Variants in DNAAF9 observed in about 807,000 individuals in gnomAD.
DNAAF9 encodes dynein axonemal assembly factor 9.
In DNAAF9, 90 loss-of-function variants were observed where a neutral mutation model predicts 167.0. The observed-to-expected ratio is 0.54, with a 90% CI of 0.45 to 0.64. The LOEUF (loss-of-function observed/expected upper bound fraction) is 0.64. Among genes scored for constraint, DNAAF9 ranks in the 30% least tolerant of loss-of-function variants. DNAAF9 has a pLI of 0.00. For synonymous variants in DNAAF9, 491 were observed against 508.8 expected (o/e 0.96, Z 0.47); for missense variants, 1,315 against 1,442.2 (o/e 0.91, Z 1.43).
At chr20:3,353,767 A>G (rs1241206010) in intron 7 of DNAAF9, among the ~76,000 whole-genome samples, 2 of 151,680 alleles carry the variant, frequency 1.3e-5, no homozygotes, top group African/African-American at 4.9e-5. Context: ...GTTTGGGTCT[A>G]TGACAGGAAG....
chr20:3,392,629 A>G (rs553042472), intron 1 of DNAAF9, among the ~76,000 whole-genome samples: 32 of 152,310 alleles, frequency 2.1e-4, no homozygotes, highest in Admixed American at 1.4e-3. Context: ...TTCCCATCTT[A>G]TATGTAAATA....
In DNAAF9 at chr20:3,281,712, A is replaced by T. The variant is rs1180646018; in HGVS notation, c.2541T>A (p.Asn847Lys). The T allele has an allele frequency of 2.4e-5, 38 of 1,612,966 alleles. No individual in the cohort carries two copies. The highest frequency in any genetic ancestry group is 3.2e-5 in the Non-Finnish European group (38 of 1,179,494). The change falls in exon 28 of 37, where the codon AAT (asparagine) becomes AAA (lysine). Residue 847 changes from asparagine (N) to lysine (K), a missense_variant. Physicochemically the swap from Asn to Lys is moderately conservative, Grantham distance 94. This residue lies in a region of DNAAF9 where 334 missense variants were observed against 429.7 expected (regional missense o/e 0.78). Coordinates refer to ENST00000252032, the MANE Select transcript of DNAAF9 (RefSeq NM_001009984.3). The part of the protein sequence containing the change: ...VQALQTHPDS[N>K]VKASFTIGAI... ...CACCAATGGTGAAGGAGGCCTTGACATTTGAGTCTGGGTGGGTCTGCAGGG... is the reference window on the plus strand; with the variant it reads ...CACCAATGGTGAAGGAGGCCTTGACTTTTGAGTCTGGGTGGGTCTGCAGGG...
At chr20:3,341,760 C>T (rs892543303) in intron 9 of DNAAF9, among the ~76,000 whole-genome samples, 1 of 152,294 alleles carries the variant, frequency 6.6e-6, no homozygotes, top group East Asian at 1.9e-4. Context: ...GGATTCTCTA[C>T]ATTGCAGTGA....
Position 3,346,110 on chromosome 20 carries a change from G to A in DNAAF9, c.790-2379C>T, listed in dbSNP as rs181209723. 1.2e-4 allele frequency among the ~76,000 whole-genome samples: 18 copies of A among 152,288 alleles called. No homozygotes were observed. The East Asian group carries it at 1.7e-3, about 15-fold the overall frequency. On this transcript the variant is annotated intron_variant, in intron 8 of 36. Transcript: ENST00000252032. The stretch of plus-strand genomic sequence containing the variant: ...CAGAAATGTAAATTAAAACAATACC[G>A]ATATACTATTTTTCATCTGTGAGAC...
In DNAAF9 at chr20:3,330,078, A is replaced by G. The variant is rs76977968; in HGVS notation, c.1100+568T>C. 1.4e-3 allele frequency among the ~76,000 whole-genome samples: 206 copies of G among 152,332 alleles called. 1 individual carries two copies. The East Asian group carries it at 0.028, about 21-fold the overall frequency. Reference sequence around the variant, plus strand: ...TTTAAAAATGCATTATATAGAAAACATATCAAGGAGAGTTACATCATAAAT... The same window carrying G: ...TTTAAAAATGCATTATATAGAAAACGTATCAAGGAGAGTTACATCATAAAT... On this transcript the variant is annotated intron_variant, in intron 12 of 36. Transcript: ENST00000252032.
chr20:3,256,611 G>C (rs2068285016), intron 33 of DNAAF9, among the ~76,000 whole-genome samples: 3 of 152,184 alleles, frequency 2.0e-5, no homozygotes, highest in African/African-American at 4.8e-5. Flanking sequence ...TGATCAGGTG[G>C]ACACTATTAT....
chr20:3,334,581 C>T (rs1443431276), intron 10 of DNAAF9, among the ~76,000 whole-genome samples: 1 of 152,168 alleles, frequency 6.6e-6, no homozygotes, highest in Non-Finnish European at 1.5e-5. Context: ...AGCGAAATTG[C>T]TGGATCTTAT....
intron 30 of DNAAF9, among the ~76,000 whole-genome samples, chr20:3,269,621 G>A (rs1379216237): frequency 6.6e-6 from 1 of 152,100 alleles, no homozygotes; most frequent in African/African-American, 2.4e-5. Context: ...GCCTCAAAAT[G>A]GTACACGATG....
intron 7 of DNAAF9, among the ~76,000 whole-genome samples, chr20:3,352,210 C>CA (rs1380570166): frequency 6.6e-6 from 1 of 152,196 alleles, no homozygotes; most frequent in Non-Finnish European, 1.5e-5. Flanking sequence ...TAGAAATGCG[C>CA]ATGTACTTGT....
chr20:3,401,932 C>G (rs550203043), intron 1 of DNAAF9, among the ~76,000 whole-genome samples: 3 of 152,146 alleles, frequency 2.0e-5, no homozygotes, highest in South Asian at 4.1e-4. Flanking sequence ...GTAGAAGGGA[C>G]GCCAGCACGG....
chr20:3,387,456 T>G (rs1334795174), intron 1 of DNAAF9, among the ~76,000 whole-genome samples: 1 of 152,156 alleles, frequency 6.6e-6, no homozygotes, highest in African/African-American at 2.4e-5. Context: ...AGAATGAAGT[T>G]GGACCTCACC....
intron 20 of DNAAF9, among the ~76,000 whole-genome samples, chr20:3,309,434 C>T (rs1375661519): frequency 6.6e-6 from 1 of 152,176 alleles, no homozygotes; most frequent in African/African-American, 2.4e-5. Context: ...CAGACTAAGT[C>T]ACCATATAGA....
chr20:3,362,024 C>G, intron 6 of DNAAF9: 1 of 1,492,892 alleles, frequency 6.7e-7, no homozygotes, highest in Non-Finnish European at 9.3e-7. Flanking sequence ...CTCTTGGGTC[C>G]ACCACTCCAT....
chr20:3,285,162 G>A (rs747614988), intron 27 of DNAAF9, among the ~76,000 whole-genome samples: 2 of 152,076 alleles, frequency 1.3e-5, no homozygotes, highest in Non-Finnish European at 1.5e-5. Flanking sequence ...TTGCCCCACC[G>A]CTTCACTAAA....
Position 3,322,707 on chromosome 20 carries a change from G to A in DNAAF9, c.1266-11C>T, listed in dbSNP as rs774470550. The A allele has an allele frequency of 6.2e-7, 1 of 1,609,108 alleles. No homozygotes were observed. The highest frequency in any genetic ancestry group is 8.5e-7 in the Non-Finnish European group (1 of 1,175,508). On this transcript the variant is annotated splice_polypyrimidine_tract_variant and intron_variant, in intron 14 of 36. Coordinates refer to ENST00000252032, the MANE Select transcript of DNAAF9 (RefSeq NM_001009984.3). Reference sequence around the variant, plus strand: ...AAAGTCATCTTGGAGCTGTAGACCAGAAACAAAACAAAAGAAAAATCAGTC... The same window carrying A: ...AAAGTCATCTTGGAGCTGTAGACCAAAAACAAAACAAAAGAAAAATCAGTC...
At chr20:3,254,290 G>C (rs921280351) in intron 35 of DNAAF9, among the ~76,000 whole-genome samples, 5 of 151,966 alleles carry the variant, frequency 3.3e-5, no homozygotes, top group Non-Finnish European at 5.9e-5. Context: ...TATTGATCAG[G>C]CTGGTCTTGA....
chr20:3,365,399 TTA>T (rs1324932756), intron 6 of DNAAF9, among the ~76,000 whole-genome samples: 1 of 151,776 alleles, frequency 6.6e-6, no homozygotes, highest in Non-Finnish European at 1.5e-5. Context: ...ATTTATTTAT[TTA>T]TTTATTTTTA....
chr20:3,347,062 A>G (rs2070206402), intron 8 of DNAAF9, among the ~76,000 whole-genome samples: 1 of 152,170 alleles, frequency 6.6e-6, no homozygotes, highest in South Asian at 2.1e-4. Flanking sequence ...ACAGCAAGAC[A>G]TACCATAATC....
Position 3,407,574 on chromosome 20 carries a change from C to A in DNAAF9, c.-17G>T. The A allele has an allele frequency of 8.1e-7, 1 of 1,232,070 alleles. No individual in the cohort carries two copies. The highest frequency in any genetic ancestry group is 1.0e-6 in the Non-Finnish European group (1 of 987,996). The allele number at this position is 1,232,070 out of a possible 1,614,324, so 76.3% of individuals were successfully genotyped here. ...CACGTCCATGGCGGCGGACGACTGGCGGCGGAGGAGGACGGTGCAGCTGCG... is the reference window on the plus strand; with the variant it reads ...CACGTCCATGGCGGCGGACGACTGGAGGCGGAGGAGGACGGTGCAGCTGCG... On this transcript the variant is annotated 5_prime_UTR_variant, in exon 1 of 37. Coordinates refer to ENST00000252032, the MANE Select transcript of DNAAF9 (RefSeq NM_001009984.3).
Sources: allele counts gnomAD v4.1 joint callset (sites outside exome capture counted in the v4.1 genomes callset), GRCh38; gene constraint gnomAD v4.1.1; regional missense constraint gnomAD v4.1.1; transcripts MANE v1.5; gene names NCBI Gene and HGNC (gene_info 2026-07-23, HGNC 2026-07-21).